Variants in LDLRAD3 observed in about 807,000 individuals in gnomAD.
The protein encoded by LDLRAD3 is low-density lipoprotein receptor class A domain-containing protein 3.
In LDLRAD3, 20 loss-of-function variants were observed where a neutral mutation model predicts 29.4. The observed-to-expected ratio is 0.68, with a 90% CI of 0.48 to 0.99. The LOEUF (loss-of-function observed/expected upper bound fraction) is 0.99, where lower values mean the gene tolerates loss of function less well. Ranked by LOEUF, LDLRAD3 falls within the 50% of genes least tolerant of loss-of-function variation. The pLI is 0.00. For missense variants in LDLRAD3, 420 were observed against 454.3 expected (o/e 0.92, Z 0.69); for synonymous variants, 157 against 192.7 (o/e 0.81, Z 1.53).
intron 3 of LDLRAD3, among the ~76,000 whole-genome samples, chr11:36,084,357 C>T (rs186883444): frequency 3.0e-4 from 46 of 152,212 alleles, no homozygotes; most frequent in Non-Finnish European, 3.2e-4. Flanking sequence ...GTGGGGCACC[C>T]GTCTTAACCC....
chr11:35,978,152 C>G (rs1851497649), intron 1 of LDLRAD3, among the ~76,000 whole-genome samples: 1 of 152,154 alleles, frequency 6.6e-6, no homozygotes, highest in Non-Finnish European at 1.5e-5. Flanking sequence ...TGTGATTCTC[C>G]CAAGTGATGC....
chr11:36,137,727 T>A (rs1854023041), intron 4 of LDLRAD3, among the ~76,000 whole-genome samples: 1 of 152,202 alleles, frequency 6.6e-6, no homozygotes, highest in South Asian at 2.1e-4. Flanking sequence ...TTAGCAAGCC[T>A]TATATTTTGA....
chr11:36,093,745 T>C lies in LDLRAD3; in HGVS notation c.320-4582T>C, dbSNP rs61196243. ...CAAGAAGAATGAGATATGCTGACAA[T>C]TTGAAGGGTGAATGGGGGTAGAGAA... On this transcript the variant is annotated intron_variant, in intron 3 of 5. Transcript: ENST00000315571. 6.1e-3 allele frequency among the ~76,000 whole-genome samples: 932 copies of C among 152,168 alleles called. 52 individuals are homozygous for C. In the East Asian group the frequency reaches 0.14, roughly 22 times the overall value.
intron 4 of LDLRAD3, among the ~76,000 whole-genome samples, chr11:36,129,578 C>T (rs1336560455): frequency 1.3e-5 from 2 of 152,184 alleles, no homozygotes; most frequent in African/African-American, 2.4e-5. Flanking sequence ...TGCCAGGTCC[C>T]TTCCCGGGAG....
intron 1 of LDLRAD3, among the ~76,000 whole-genome samples, chr11:36,007,783 C>T (rs78348741): frequency 0.039 from 6,010 of 152,248 alleles, 157 homozygotes; most frequent in Admixed American, 0.076. Context: ...GTACAGTCCT[C>T]GTAAATTTTC....
chr11:36,215,409 G>A (rs1590362564), intron 4 of LDLRAD3, among the ~76,000 whole-genome samples: 2 of 152,160 alleles, frequency 1.3e-5, no homozygotes, highest in African/African-American at 2.4e-5. Flanking sequence ...AAGACACTAC[G>A]GGGAGCCAGA....
At chr11:36,016,033 G>T (rs1378750565) in intron 1 of LDLRAD3, among the ~76,000 whole-genome samples, 1 of 152,174 alleles carries the variant, frequency 6.6e-6, no homozygotes, top group Non-Finnish European at 1.5e-5. Context: ...AGTGAGATTT[G>T]GAGAGACCTG....
chr11:36,228,519 G>A (rs949216793), intron 5 of LDLRAD3, among the ~76,000 whole-genome samples: 7 of 152,194 alleles, frequency 4.6e-5, no homozygotes, highest in Non-Finnish European at 8.8e-5. Context: ...TTCCTCACCA[G>A]AGCAACAGGC....
chr11:36,088,711 G>T, intron 3 of LDLRAD3, among the ~76,000 whole-genome samples: 1 of 152,138 alleles, frequency 6.6e-6, no homozygotes, highest in East Asian at 1.9e-4. Flanking sequence ...GTGTCAACAG[G>T]AGAATTTTTC....
chr11:36,098,996 T>TC (rs1350273252), intron 4 of LDLRAD3, among the ~76,000 whole-genome samples: 2 of 137,490 alleles, frequency 1.5e-5, no homozygotes, highest in Admixed American at 1.5e-4. Flanking sequence ...CCTATTTTTT[T>TC]TTTCCCATTT....
At chr11:35,998,299 G>A (rs1565151728) in intron 1 of LDLRAD3, among the ~76,000 whole-genome samples, 2 of 152,142 alleles carry the variant, frequency 1.3e-5, no homozygotes, top group African/African-American at 4.8e-5. Flanking sequence ...GCAGAGAAAG[G>A]CATTTTTCCT....
At chr11:36,153,360 A>G (rs540869004) in intron 4 of LDLRAD3, among the ~76,000 whole-genome samples, 2 of 152,178 alleles carry the variant, frequency 1.3e-5, no homozygotes, top group Non-Finnish European at 2.9e-5. Context: ...GATTATTGTC[A>G]AGCAAGATGA....
intron 4 of LDLRAD3, among the ~76,000 whole-genome samples, chr11:36,154,364 C>T (rs1008462694): frequency 1.3e-5 from 2 of 152,104 alleles, no homozygotes; most frequent in African/African-American, 4.8e-5. Context: ...ATGACTAGAC[C>T]CCAGGTGGCA....
At chr11:36,099,532 C>T (rs1853415056) in intron 4 of LDLRAD3, among the ~76,000 whole-genome samples, 2 of 151,938 alleles carry the variant, frequency 1.3e-5, no homozygotes, top group Non-Finnish European at 2.9e-5. Flanking sequence ...TATGATTGTA[C>T]CATAGTTTAT....
intron 4 of LDLRAD3, among the ~76,000 whole-genome samples, chr11:36,110,291 C>A (rs1017842722): frequency 2.6e-5 from 4 of 152,160 alleles, no homozygotes; most frequent in African/African-American, 9.7e-5. Flanking sequence ...TCTTTAGTCT[C>A]CCCCATTTCT....
chr11:36,153,048 C>A (rs939570789), intron 4 of LDLRAD3, among the ~76,000 whole-genome samples: 1 of 151,980 alleles, frequency 6.6e-6, no homozygotes, highest in Non-Finnish European at 1.5e-5. Context: ...CCTGAATCTG[C>A]CATTTACCAT....
intron 4 of LDLRAD3, among the ~76,000 whole-genome samples, chr11:36,099,697 G>A (rs1038561016): frequency 2.0e-5 from 3 of 152,162 alleles, no homozygotes; most frequent in African/African-American, 7.2e-5. Context: ...TTTGATTGGT[G>A]TTTATGCTAT....
chr11:36,156,697 C>T (rs1253673681), intron 4 of LDLRAD3, among the ~76,000 whole-genome samples: 1 of 152,232 alleles, frequency 6.6e-6, no homozygotes, highest in Non-Finnish European at 1.5e-5. Flanking sequence ...CTCCCCTCCT[C>T]ATGGCACCCA....
At chr11:36,198,653 T>G (rs1321890280) in intron 4 of LDLRAD3, among the ~76,000 whole-genome samples, 7 of 152,324 alleles carry the variant, frequency 4.6e-5, no homozygotes, top group African/African-American at 1.7e-4. Flanking sequence ...CTGACAGCTC[T>G]TGGCACACAC....
Sources: gnomAD v4.1 joint callset for allele counts (sites outside exome capture counted in the v4.1 genomes callset) on GRCh38, gnomAD v4.1.1 for gene constraint, MANE v1.5 for transcripts, NCBI Gene and HGNC (gene_info 2026-07-23, HGNC 2026-07-21) for gene names.